ZNF248: variants seen among roughly 807,000 people sequenced by gnomAD.
The protein encoded by ZNF248 is zinc finger protein 248.
In ZNF248, 20 loss-of-function variants were observed where a neutral mutation model predicts 44.3. That is an observed-to-expected ratio of 0.45 (90% CI 0.32 to 0.66). The LOEUF is 0.66. Ranked by LOEUF, ZNF248 falls within the 30% of genes least tolerant of loss-of-function variation. The pLI, the probability that ZNF248 is intolerant of heterozygous loss-of-function variation, is 0.04. For missense variants in ZNF248, 654 were observed against 677.0 expected (o/e 0.97, Z 0.38); for synonymous variants, 224 against 229.0 (o/e 0.98, Z 0.20).
intron 3 of ZNF248, among the ~76,000 whole-genome samples, chr10:37,849,204 CG>C (rs1236514157): frequency 6.6e-6 from 1 of 151,998 alleles, no homozygotes; most frequent in Non-Finnish European, 1.5e-5. Flanking sequence ...AAGACTAAGG[CG>C]GATCACCTGA....
In ZNF248 at chr10:37,830,855, A is replaced by G; in HGVS notation, c.*760T>C. 1 of 184,700 alleles carries G rather than the reference A, an allele frequency of 5.4e-6. No homozygotes were observed. Among genetic ancestry groups the G allele is most frequent in the Non-Finnish European group, 1.1e-5 (1 of 94,954 alleles). The allele number at this position is 184,700 out of a possible 1,614,324, so 11.4% of individuals were successfully genotyped here. On this transcript the variant is annotated 3_prime_UTR_variant, in exon 6 of 6. Transcript: ENST00000395867. Reference sequence around the variant, plus strand: ...AATGTAGCAAAATAATTAGGAAGTGATGAGTGCTGAGTATTTATTACCTTT... The same window carrying G: ...AATGTAGCAAAATAATTAGGAAGTGGTGAGTGCTGAGTATTTATTACCTTT...
chr10:37,815,242 C>T (rs1208125162), intron 6 of ZNF248, among the ~76,000 whole-genome samples: 1 of 151,760 alleles, frequency 6.6e-6, no homozygotes, highest in Non-Finnish European at 1.5e-5. Context: ...AATTTTTGTA[C>T]TTTTAGTAGA....
In ZNF248 at chr10:37,820,753, A is replaced by G. The variant is rs1261200761; in HGVS notation, c.330+12272T>C. The G allele has an allele frequency of 3.9e-6, 5 of 1,298,122 alleles. No individual in the cohort carries two copies. In the African/African-American group the frequency reaches 7.3e-5, roughly 19 times the overall value. The allele number at this position is 1,298,122 out of a possible 1,614,324, so 80.4% of individuals were successfully genotyped here. On this transcript the variant is annotated intron_variant, in intron 6 of 6. Transcript: ENST00000615949. ...ACAAGCTCTGGTTGGAAGACTCACT[A>G]TTAAGTGGTCCCTTTTGTTAAATCT...
At chr10:37,768,898 GAGA>G in the ZNF248 span, among the ~76,000 whole-genome samples, 1 of 152,028 alleles carries the variant, frequency 6.6e-6, no homozygotes, top group African/African-American at 2.4e-5. Context: ...GAAGAAAAGA[GAGA>G]AGAATCAAAC....
Position 37,856,427 on chromosome 10 carries a change from ATACT to A in ZNF248, c.-28+4_-28+7del. On this transcript the variant is annotated splice_donor_5th_base_variant and intron_variant, in intron 2 of 5. Coordinates refer to ENST00000395867, the MANE Select transcript of ZNF248 (RefSeq NM_021045.3). ...CTGCCTATACAGGTCCACACACAAGATACTTACGTGTCCATGTGTGGCTCCGATA... is the reference window on the plus strand; with the variant it reads ...CTGCCTATACAGGTCCACACACAAGATACGTGTCCATGTGTGGCTCCGATA... 3.3e-6 allele frequency: 5 copies of A among 1,516,226 alleles called. No individual in the cohort carries two copies. The South Asian group carries it at 6.5e-5, about 20-fold the overall frequency. The allele number at this position is 1,516,226 out of a possible 1,614,324, so 93.9% of individuals were successfully genotyped here.
intron 5 of ZNF248, among the ~76,000 whole-genome samples, chr10:37,836,878 A>G (rs1191860219): frequency 6.6e-6 from 1 of 152,114 alleles, no homozygotes; most frequent in African/African-American, 2.4e-5. Context: ...TACCTAAAAC[A>G]TAACAGACAT....
At chr10:37,837,085 TAA>T (rs67744511) in intron 5 of ZNF248, among the ~76,000 whole-genome samples, 15 of 140,244 alleles carry the variant, frequency 1.1e-4, no homozygotes, top group Non-Finnish European at 7.8e-5. Context: ...CTTTAAAATG[TAA>T]AAAAAAAAAA....
downstream of ZNF248, among the ~76,000 whole-genome samples, chr10:37,824,638 TG>T (rs1164087308): frequency 4.7e-5 from 7 of 149,622 alleles, no homozygotes; most frequent in African/African-American, 1.2e-4. Context: ...ATGTTAAGAC[TG>T]CATACCAATT....
chr10:37,838,158 T>A (rs754514350), intron 3 of ZNF248, 47 bp from the exon 4 acceptor site: 2 of 1,555,606 alleles, frequency 1.3e-6, no homozygotes, highest in South Asian at 2.4e-5. Flanking sequence ...AACTAGATGA[T>A]ACAGAAAAGA....
downstream of ZNF248, among the ~76,000 whole-genome samples, chr10:37,776,067 G>GCACCACATCTCAGGCT (rs2046561773): frequency 6.6e-6 from 1 of 152,130 alleles, no homozygotes; most frequent in African/African-American, 2.4e-5. Context: ...AGGTAAGGCG[G>GCACCACATCTCAGGCT]CACCACATCT....
chr10:37,800,434 G>A (rs2049670711), intron 6 of ZNF248, among the ~76,000 whole-genome samples: 2 of 152,136 alleles, frequency 1.3e-5, no homozygotes, highest in South Asian at 4.1e-4. Context: ...TTTTGTTGCT[G>A]CAAAAGACAT....
chr10:37,787,031 GC>G (rs1333319197), intron 6 of ZNF248, among the ~76,000 whole-genome samples: 1 of 152,114 alleles, frequency 6.6e-6, no homozygotes, highest in East Asian at 1.9e-4. Flanking sequence ...TTTAATCCCA[GC>G]ACTTTGGGAG....
chr10:37,763,306 A>T, the ZNF248 span, among the ~76,000 whole-genome samples: 5 of 152,220 alleles, frequency 3.3e-5, no homozygotes, highest in Non-Finnish European at 7.3e-5. Flanking sequence ...GGCTTGCAAG[A>T]CTGCCTCCTT....
Position 37,837,657 on chromosome 10 carries a change from G to C in ZNF248, c.198C>G (p.Pro66=), listed in dbSNP as rs1351980038. 1 of 1,613,886 alleles carries C rather than the reference G, an allele frequency of 6.2e-7. No individual in the cohort carries two copies. The highest frequency in any genetic ancestry group is 2.2e-5 in the East Asian group (1 of 44,862). Residue 66 remains proline, a synonymous_variant, in exon 5 of 6, where the codon CCC becomes CCG. Coordinates refer to ENST00000395867, the MANE Select transcript of ZNF248 (RefSeq NM_021045.3). ...TTGGGAATCCTTTTTCTAATATCCA[G>C]GGCTCTTCTCCTTGCTCGATCTTAA... ...VIFKIEQGEE[P]WILEKGFPSQ... is the part of the protein sequence containing the mutation.
At chr10:37,780,417 A>C (rs947242607) in intron 6 of ZNF248, among the ~76,000 whole-genome samples, 1 of 152,070 alleles carries the variant, frequency 6.6e-6, no homozygotes, top group African/African-American at 2.4e-5. Context: ...CAATGGGGAA[A>C]GGATTCCCTG....
intron 3 of ZNF248, among the ~76,000 whole-genome samples, chr10:37,853,887 A>T (rs1412124348): frequency 5.3e-5 from 8 of 152,194 alleles, no homozygotes; most frequent in Non-Finnish European, 1.2e-4. Flanking sequence ...ATGAAGCATG[A>T]TATTGCAAAA....
intron 3 of ZNF248, among the ~76,000 whole-genome samples, chr10:37,847,109 C>G (rs2059448109): frequency 6.6e-6 from 1 of 152,198 alleles, no homozygotes; most frequent in South Asian, 2.1e-4. Flanking sequence ...AATCTCATCT[C>G]ACTGCAACCT....
At chr10:37,856,040 C>T (rs2061231289) in intron 3 of ZNF248, among the ~76,000 whole-genome samples, 1 of 152,162 alleles carries the variant, frequency 6.6e-6, no homozygotes, top group African/African-American at 2.4e-5. Context: ...TACTTATAGA[C>T]AATTTACTGC....
chr10:37,820,472 T>A (rs1027474926), intron 6 of ZNF248: 1 of 1,595,606 alleles, frequency 6.3e-7, no homozygotes, highest in African/African-American at 1.3e-5. Flanking sequence ...GAGGGGCTGT[T>A]CTACTTGTCA....
Sources: gnomAD v4.1 joint callset for allele counts (sites outside exome capture counted in the v4.1 genomes callset) on GRCh38, gnomAD v4.1.1 for gene constraint, MANE v1.5 for transcripts, NCBI Gene and HGNC (gene_info 2026-07-23, HGNC 2026-07-21) for gene names.